Variants in PCDH15 observed in about 807,000 individuals in gnomAD.
PCDH15 encodes the protein protocadherin-15.
In PCDH15, 129 loss-of-function variants were observed where a neutral mutation model predicts 178.5. That is an observed-to-expected ratio of 0.72 (90% CI 0.63 to 0.84). PCDH15 has a LOEUF of 0.84. Among genes scored for constraint, PCDH15 ranks in the 40% least tolerant of loss-of-function variants. The pLI is 0.00. For missense variants in PCDH15, 2,230 were observed against 2,099.9 expected (o/e 1.06, Z -1.21); for synonymous variants, 800 against 732.0 (o/e 1.09, Z -1.50).
At chr10:54,340,571 C>A (rs1490021360) in intron 6 of PCDH15, among the ~76,000 whole-genome samples, 3 of 152,056 alleles carry the variant, frequency 2.0e-5, no homozygotes, top group African/African-American at 7.2e-5. Flanking sequence ...AAGTTTAAGG[C>A]AGAGGGAGAG....
At chr10:55,007,132 A>C (rs1747196278) in intron 2 of PCDH15, among the ~76,000 whole-genome samples, 1 of 152,110 alleles carries the variant, frequency 6.6e-6, no homozygotes, top group African/African-American at 2.4e-5. Context: ...GACTCCCCAG[A>C]AGCAGACACC....
chr10:55,596,057 C>T (rs1319336700), intron 2 of PCDH15, among the ~76,000 whole-genome samples: 2 of 151,916 alleles, frequency 1.3e-5, no homozygotes, highest in Non-Finnish European at 2.9e-5. Flanking sequence ...CTTTTAAGAA[C>T]TTTTAAATTT....
chr10:55,535,199 A>G (rs916163768), intron 2 of PCDH15, among the ~76,000 whole-genome samples: 2 of 152,104 alleles, frequency 1.3e-5, no homozygotes, highest in Admixed American at 1.3e-4. Flanking sequence ...AAAATAAAAT[A>G]AAAACATAAT....
intron 2 of PCDH15, among the ~76,000 whole-genome samples, chr10:55,542,509 T>G (rs1185339676): frequency 6.6e-6 from 1 of 150,790 alleles, no homozygotes; most frequent in African/African-American, 2.4e-5. Flanking sequence ...ATATGTACAG[T>G]ATGTATATAT....
intron 2 of PCDH15, among the ~76,000 whole-genome samples, chr10:55,363,046 C>T (rs538322953): frequency 9.9e-5 from 15 of 152,152 alleles, no homozygotes; most frequent in Non-Finnish European, 2.1e-4. Flanking sequence ...CTGTCCTGGA[C>T]CACATGCAGT....
intron 21 of PCDH15, among the ~76,000 whole-genome samples, chr10:53,976,727 C>T (rs765371044): frequency 6.6e-6 from 1 of 151,782 alleles, no homozygotes; most frequent in Non-Finnish European, 1.5e-5. Flanking sequence ...TTTAAGAGGG[C>T]AATAATAATT....
chr10:54,158,745 C>T lies in PCDH15; in HGVS notation c.1591-5452G>A, dbSNP rs150467161. 2.3e-3 allele frequency among the ~76,000 whole-genome samples: 357 copies of T among 152,086 alleles called. 1 individual carries two copies. The highest frequency in any genetic ancestry group is 8.2e-3 in the African/African-American group (342 of 41,480). ...AGCCACAGTTGATATAAACCATATG[C>T]AAGAATATAAATTGTAATGCAAGAG... On this transcript the variant is annotated intron_variant, in intron 13 of 37. Transcript: ENST00000644397.
intron 26 of PCDH15, among the ~76,000 whole-genome samples, chr10:53,875,312 C>A (rs2080147095): frequency 1.4e-5 from 2 of 146,818 alleles, no homozygotes; most frequent in African/African-American, 5.0e-5. Flanking sequence ...TGGGAAAATT[C>A]ATAGAGATAT....
At chr10:55,323,402 G>T (rs1843954357), upstream of PCDH15, among the ~76,000 whole-genome samples, 1 of 152,192 alleles carries the variant, frequency 6.6e-6, no homozygotes, top group Non-Finnish European at 1.5e-5. Flanking sequence ...TCTACTGTGT[G>T]CTTGGAAAAG....
chr10:55,444,528 A>T (rs1263464773), intron 2 of PCDH15, among the ~76,000 whole-genome samples: 2 of 152,144 alleles, frequency 1.3e-5, no homozygotes, highest in East Asian at 1.9e-4. Context: ...ATAGTAAAAG[A>T]AAAATAAAAA....
intron 29 of PCDH15, among the ~76,000 whole-genome samples, chr10:53,839,626 C>T (rs1302258541): frequency 6.6e-6 from 1 of 151,644 alleles, no homozygotes; most frequent in Non-Finnish European, 1.5e-5. Context: ...CATTACAAGA[C>T]CCAGTTGGAC....
rs143784224 is a variant in PCDH15 at position 54,782,634 on chromosome 10, A to C, written c.-29+18291T>G. On this transcript the variant is annotated intron_variant, in intron 1 of 37. Coordinates refer to ENST00000644397, the MANE Select transcript of PCDH15 (RefSeq NM_001384140.1). ...ATCTTTGGTGCTGAGATAATCCAAA[A>C]GAGAACCCCCATCTCCTTTAGTGGC... Among the ~76,000 whole-genome samples the C allele has an allele frequency of 5.0e-3, 759 of 152,158 alleles. 23 individuals carry two copies. The highest frequency in any genetic ancestry group is 3.3e-3 in the East Asian group (17 of 5,146).
chr10:54,696,498 G>T (rs554367700), intron 1 of PCDH15, among the ~76,000 whole-genome samples: 181 of 152,214 alleles, frequency 1.2e-3, no homozygotes, highest in African/African-American at 4.0e-3. Flanking sequence ...TGACAAAGCA[G>T]TGGCAGGTTT....
chr10:55,282,807 A>C (rs992801424), intron 1 of PCDH15, among the ~76,000 whole-genome samples: 1 of 152,164 alleles, frequency 6.6e-6, no homozygotes, highest in African/African-American at 2.4e-5. Context: ...AATAGATTTG[A>C]AATCACCTTT....
intron 1 of PCDH15, among the ~76,000 whole-genome samples, chr10:55,250,662 G>A (rs909996739): frequency 1.4e-5 from 2 of 146,814 alleles, no homozygotes; most frequent in African/African-American, 2.5e-5. Flanking sequence ...TCACCCTCCC[G>A]AGTAGCTGGG....
At chr10:54,705,652 G>C (rs1367550435) in intron 1 of PCDH15, among the ~76,000 whole-genome samples, 1 of 152,096 alleles carries the variant, frequency 6.6e-6, no homozygotes, top group African/African-American at 2.4e-5. Context: ...AAAGTGCATA[G>C]AGACCATTTT....
chr10:53,938,165 G>A (rs1205469751), intron 25 of PCDH15, among the ~76,000 whole-genome samples: 2 of 151,958 alleles, frequency 1.3e-5, no homozygotes, highest in Non-Finnish European at 2.9e-5. Flanking sequence ...CTCTGTGGGG[G>A]TAAACTATAT....
intron 1 of PCDH15, among the ~76,000 whole-genome samples, chr10:54,784,407 C>T (rs953155158): frequency 4.7e-5 from 7 of 149,600 alleles, no homozygotes; most frequent in South Asian, 2.1e-4. Context: ...GAGCAGATTT[C>T]GCGGTAGAAA....
At chr10:55,436,705 G>A (rs1839047989) in intron 2 of PCDH15, among the ~76,000 whole-genome samples, 1 of 152,034 alleles carries the variant, frequency 6.6e-6, no homozygotes, top group African/African-American at 2.4e-5. Flanking sequence ...CTGCAAATTT[G>A]CGTAAAGAGA....
Sources: allele counts gnomAD v4.1 joint callset (sites outside exome capture counted in the v4.1 genomes callset), GRCh38; gene constraint gnomAD v4.1.1; transcripts MANE v1.5; gene names NCBI Gene and HGNC (gene_info 2026-07-23, HGNC 2026-07-21).